Variants in ANK1 observed in about 807,000 individuals in gnomAD.
ANK1 encodes ankyrin-1.
ANK1 carries 51 observed loss-of-function variants against 210.4 expected under a neutral mutation model. The observed-to-expected ratio is 0.24, with a 90% confidence interval of 0.19 to 0.31. ANK1 has a LOEUF of 0.31. Among genes scored for constraint, ANK1 ranks in the 10% least tolerant of loss-of-function variants. ANK1 has a pLI of 1.00. For missense variants in ANK1, 2,051 were observed against 2,504.4 expected, an observed-to-expected ratio of 0.82 and a Z score of 3.86; for synonymous variants, 967 against 1,025.9, an observed-to-expected ratio of 0.94 and a Z score of 1.10.
intron 42 of ANK1, among the ~76,000 whole-genome samples, chr8:41,657,449 T>C (rs1409090173): frequency 2.6e-5 from 4 of 152,248 alleles, no homozygotes; most frequent in African/African-American, 9.6e-5. Flanking sequence ...AAACAATTAC[T>C]TGGCTCTCTA....
chr8:41,840,969 G>A (rs139132651), intron 1 of ANK1, among the ~76,000 whole-genome samples: 18 of 152,284 alleles, frequency 1.2e-4, no homozygotes, highest in South Asian at 2.1e-4. Flanking sequence ...AAATGGTGTC[G>A]CTGCTACAGA....
At chr8:41,709,344 A>T (rs1400821760) in intron 16 of ANK1, among the ~76,000 whole-genome samples, 1 of 152,268 alleles carries the variant, frequency 6.6e-6, no homozygotes, top group South Asian at 2.1e-4. Flanking sequence ...AAAAAGAAAC[A>T]TCAGCCCCTT....
At chr8:41,760,340 A>G (rs1476989862) in intron 1 of ANK1, among the ~76,000 whole-genome samples, 1 of 152,040 alleles carries the variant, frequency 6.6e-6, no homozygotes, top group African/African-American at 2.4e-5. Context: ...ATGAGATCTG[A>G]TAGTTTTAAA....
chr8:41,728,068 A>G, intron 3 of ANK1, 62 bp from the exon 4 acceptor site: 1 of 1,545,126 alleles, frequency 6.5e-7, no homozygotes, highest in East Asian at 2.2e-5. Context: ...CGGGACCAGC[A>G]AAGGTCTGTG....
intron 35 of ANK1, 96 bp from the exon 36 acceptor site, chr8:41,686,379 G>A: frequency 2.6e-6 from 4 of 1,517,060 alleles, no homozygotes; most frequent in Non-Finnish European, 3.6e-6. Flanking sequence ...GGGCGTGGGG[G>A]GACCCAGTGG....
At chr8:41,776,665 T>A (rs1404873716) in intron 1 of ANK1, among the ~76,000 whole-genome samples, 1 of 152,238 alleles carries the variant, frequency 6.6e-6, no homozygotes, top group East Asian at 1.9e-4. Context: ...TTCCACTGGC[T>A]AAATGCTGAC....
chr8:41,703,477 G>A (rs1187240527), intron 20 of ANK1, among the ~76,000 whole-genome samples: 5 of 92,290 alleles, frequency 5.4e-5, no homozygotes, highest in Admixed American at 4.2e-4. Context: ...AAGACACAAG[G>A]TCTTGCTCTG....
chr8:41,803,029 G>GAA (rs1257420744), intron 1 of ANK1, among the ~76,000 whole-genome samples: 2 of 85,442 alleles, frequency 2.3e-5, no homozygotes, highest in Non-Finnish European at 4.6e-5. Context: ...AAGAAAGAAA[G>GAA]AAAGAAAGAA....
chr8:41,702,148 G>T lies in ANK1; in HGVS notation c.2296-4C>A, dbSNP rs746085278. On this transcript the variant is annotated splice_polypyrimidine_tract_variant and splice_region_variant and intron_variant, in intron 20 of 42. Coordinates refer to ENST00000289734, the MANE Select transcript of ANK1 (RefSeq NM_000037.4). The stretch of plus-strand genomic sequence containing the variant: ...TGGCCAGAGGTGTGGTTCCATCCTG[G>T]GGAAAGAGCAGCCCGGGTGCAGTCA... The T allele has an allele frequency of 6.2e-7, 1 of 1,613,512 alleles. No individual in the cohort carries two copies. Among genetic ancestry groups the T allele is most frequent in the East Asian group, 2.2e-5 (1 of 44,882 alleles).
intron 1 of ANK1, among the ~76,000 whole-genome samples, chr8:41,839,531 A>T (rs115178181): frequency 0.012 from 1,806 of 152,356 alleles, 41 homozygotes; most frequent in African/African-American, 0.041. Flanking sequence ...GAGGCCCTAG[A>T]GATGATTTTC....
At chr8:41,839,941 A>G (rs1159292548) in intron 1 of ANK1, 1 of 152,226 alleles carries the variant, frequency 6.6e-6, no homozygotes, top group Non-Finnish European at 1.5e-5. Context: ...CTCATGGAAG[A>G]TGTTACCAAT....
intron 1 of ANK1, among the ~76,000 whole-genome samples, chr8:41,872,282 G>A (rs1815682657): frequency 1.3e-5 from 2 of 152,252 alleles, no homozygotes; most frequent in Non-Finnish European, 2.9e-5. Flanking sequence ...CTGAGTCCCA[G>A]TGAGCGTACA....
Position 41,725,771 on chromosome 8 carries a change from A to G in ANK1, c.602T>C (p.Val201Ala). The G allele has an allele frequency of 6.2e-7, 1 of 1,610,530 alleles. No homozygotes were observed. Among genetic ancestry groups the G allele is most frequent in the Non-Finnish European group, 8.5e-7 (1 of 1,179,658 alleles). ...CCTCCTCGCCCTCACCTTGGAAAGC[A>G]CGTCCGGGTTGGGGTCGTTCTGCAG... is the stretch of plus-strand genomic sequence containing the variant. Reference protein sequence around the residue: ...VLLQNDPNPDVLSKTGFTPLH... With the variant: ...VLLQNDPNPDALSKTGFTPLH... Residue 201 changes from valine (V) to alanine (A), a missense_variant, in exon 6 of 43, where the codon GTG (valine) becomes GCG (alanine). By Grantham distance (64) the Val-to-Ala change is moderately conservative. Around this residue, in one of 6 missense-constraint regions of ANK1, gnomAD observed 1,413 missense variants for 1,707.4 expected, o/e 0.83. Coordinates refer to ENST00000289734, the MANE Select transcript of ANK1 (RefSeq NM_000037.4).
chr8:41,701,453 G>A, intron 22 of ANK1, 97 bp downstream of exon 22: 1 of 1,112,614 alleles, frequency 9.0e-7, no homozygotes, highest in Non-Finnish European at 1.4e-6. Flanking sequence ...TGGGCGTGTT[G>A]TAAGGGGACA....
At position 41,664,694 on chromosome 8, in the gene ANK1, C is replaced by G. The variant is rs544528275; in HGVS notation, c.5395-952G>C. On this transcript the variant is annotated intron_variant, in intron 39 of 42. Coordinates refer to ENST00000289734, the MANE Select transcript of ANK1 (RefSeq NM_000037.4). ...TCCCTGGGGGCCTCCTGGTCCTTTTCCTCCGGCGTCTCCCAACTCTGGGTC... is the reference window on the plus strand; with the variant it reads ...TCCCTGGGGGCCTCCTGGTCCTTTTGCTCCGGCGTCTCCCAACTCTGGGTC... 169 of 1,128,716 alleles carry G rather than the reference C, an allele frequency of 1.5e-4. No homozygotes were observed. In the East Asian group the frequency reaches 4.3e-3, roughly 29 times the overall value. The allele number at this position is 1,128,716 out of a possible 1,614,324, so 69.9% of individuals were successfully genotyped here.
At chr8:41,734,455 T>C (rs1459982209) in intron 2 of ANK1, among the ~76,000 whole-genome samples, 7 of 152,170 alleles carry the variant, frequency 4.6e-5, no homozygotes, top group Non-Finnish European at 8.8e-5. Flanking sequence ...AAAAGCAAAG[T>C]GGTAACACCA....
Position 41,688,594 on chromosome 8 carries a change from A to T in ANK1, c.4105-5T>A. On this transcript the variant is annotated splice_polypyrimidine_tract_variant and splice_region_variant and intron_variant, in intron 33 of 42. Transcript: ENST00000289734. ...CCTATCTTCGGCTCCACTTCCCTGC[A>T]GAAGAAGAAAGGGTGCTTTGGGTTT... 6.2e-7 allele frequency: 1 copy of T among 1,613,976 alleles called. No individual in the cohort carries two copies. The highest frequency in any genetic ancestry group is 8.5e-7 in the Non-Finnish European group (1 of 1,179,842).
chr8:41,804,692 G>A (rs1175298972), intron 1 of ANK1, among the ~76,000 whole-genome samples: 1 of 152,138 alleles, frequency 6.6e-6, no homozygotes, highest in Non-Finnish European at 1.5e-5. Flanking sequence ...ACCAGTTTAG[G>A]AGATCAATAT....
At chr8:41,759,128 T>C (rs1839871076) in intron 1 of ANK1, among the ~76,000 whole-genome samples, 1 of 152,148 alleles carries the variant, frequency 6.6e-6, no homozygotes, top group Non-Finnish European at 1.5e-5. Flanking sequence ...ACTTTACATA[T>C]ACAGTCAAGC....
Sources: allele counts gnomAD v4.1 joint callset (sites outside exome capture counted in the v4.1 genomes callset), GRCh38; gene constraint gnomAD v4.1.1; regional missense constraint gnomAD v4.1.1; transcripts MANE v1.5; gene names NCBI Gene and HGNC (gene_info 2026-07-23, HGNC 2026-07-21).